Variants in DMD observed in about 807,000 individuals in gnomAD.
The protein encoded by DMD is dystrophin.
In DMD, 63 loss-of-function variants were observed where a neutral mutation model predicts 330.1. That is an observed-to-expected ratio of 0.19 (90% CI 0.16 to 0.24). The LOEUF (loss-of-function observed/expected upper bound fraction) is 0.24. Among genes scored for constraint, DMD ranks in the 10% least tolerant of loss-of-function variants. DMD has a pLI of 1.00. For missense variants in DMD, 3,344 were observed against 2,684.1 expected (o/e 1.25, Z -5.43); for synonymous variants, 1,223 against 959.8 (o/e 1.27, Z -5.07).
chrX:32,861,584 CTT>C lies in DMD; in HGVS notation c.94-11766_94-11765del, dbSNP rs767679896. On this transcript the variant is annotated intron_variant, in intron 2 of 78. Transcript: ENST00000357033. ...GTAATAGAGAAGTGTCACTACTACTCTTAGACTCCTAAGAATGAAAAGAAGGA... is the reference window on the plus strand; with the variant it reads ...GTAATAGAGAAGTGTCACTACTACTCAGACTCCTAAGAATGAAAAGAAGGA... 1.8e-3 allele frequency among the ~76,000 whole-genome samples: 205 copies of C among 111,451 alleles called. 1 individual carries two copies. The highest frequency in any genetic ancestry group is 6.5e-3 in the African/African-American group (199 of 30,657).
intron 63 of DMD, among the ~76,000 whole-genome samples, chrX:31,237,831 T>C (rs184037426): frequency 3.2e-3 from 359 of 111,500 alleles, no homozygotes; most frequent in Non-Finnish European, 4.9e-3. Context: ...GTGATGCTTG[T>C]GCCTCAGCCT....
chrX:31,826,028 GTTCTCATTA>G (rs1368717197), intron 49 of DMD, among the ~76,000 whole-genome samples: 7 of 112,181 alleles, frequency 6.2e-5, no homozygotes, highest in Non-Finnish European at 1.1e-4. Context: ...TTCAAGAAAA[GTTCTCATTA>G]AAATAGTTAC....
At chrX:32,062,988 A>G (rs1338950212) in intron 44 of DMD, among the ~76,000 whole-genome samples, 4 of 111,257 alleles carry the variant, frequency 3.6e-5, no homozygotes, top group African/African-American at 1.3e-4. Flanking sequence ...TTTTAAAAAA[A>G]TTAATTCTGA....
chrX:31,240,757 A>G (rs1040603528), intron 63 of DMD, among the ~76,000 whole-genome samples: 1 of 111,900 alleles, frequency 8.9e-6, no homozygotes, highest in Non-Finnish European at 1.9e-5. Context: ...TTTGCAATAA[A>G]TAACATAAAT....
intron 42 of DMD, among the ~76,000 whole-genome samples, chrX:32,294,852 C>A (rs1287767396): frequency 1.8e-5 from 2 of 111,300 alleles, no homozygotes; most frequent in African/African-American, 6.5e-5. Context: ...GAGATGAGAT[C>A]TCTGATAGTA....
chrX:31,716,848 CACACACACATAT>C (rs1569284277), intron 52 of DMD, among the ~76,000 whole-genome samples: 3 of 97,686 alleles, frequency 3.1e-5, no homozygotes, highest in Admixed American at 2.3e-4. Context: ...CACACACACA[CACACACACATAT>C]ATATATATAT....
rs760188394 is a variant in DMD, at chrX:32,816,274, T to TTA, written c.530+192_530+193dup. 3.6e-5 allele frequency among the ~76,000 whole-genome samples: 4 copies of TTA among 112,225 alleles called. No homozygotes were observed. The East Asian group carries it at 1.1e-3, about 31-fold the overall frequency. On this transcript the variant is annotated intron_variant, in intron 6 of 78. Coordinates refer to ENST00000357033, the MANE Select transcript of DMD (RefSeq NM_004006.3). ...TAATGTTAATGTTTCAACAACTGAA[T>TTA]TATATGTATCCCATAGAACACTGGA... is the stretch of plus-strand genomic sequence containing the variant.
intron 9 of DMD, among the ~76,000 whole-genome samples, chrX:32,673,378 C>G (rs2061754200): frequency 9.0e-6 from 1 of 111,048 alleles, no homozygotes; most frequent in Admixed American, 9.6e-5. Context: ...CACCTACTGG[C>G]CTCTTTAAAC....
At chrX:32,020,231 C>T (rs149689653) in intron 44 of DMD, among the ~76,000 whole-genome samples, 7 of 112,532 alleles carry the variant, frequency 6.2e-5, no homozygotes, top group Admixed American at 2.8e-4. Context: ...GTCCCCAAAG[C>T]GTATTTGATT....
intron 44 of DMD, among the ~76,000 whole-genome samples, chrX:32,065,832 C>T (rs1353559985): frequency 1.8e-5 from 2 of 111,611 alleles, no homozygotes; most frequent in Non-Finnish European, 3.8e-5. Flanking sequence ...CAGCACAACA[C>T]GTAAGTAATA....
chrX:31,896,378 A>G (rs1040252809), intron 47 of DMD, among the ~76,000 whole-genome samples: 31 of 112,104 alleles, frequency 2.8e-4, no homozygotes, highest in African/African-American at 1.0e-3. Flanking sequence ...ATCCAGAAAG[A>G]TAGAAAAAAT....
intron 7 of DMD, among the ~76,000 whole-genome samples, chrX:32,797,932 C>T (rs1257945729): frequency 9.0e-6 from 1 of 111,656 alleles, no homozygotes; most frequent in Non-Finnish European, 1.9e-5. Context: ...ATCCATAATG[C>T]ACATCTTCAA....
At chrX:31,923,142 A>G (rs2094717552) in intron 47 of DMD, among the ~76,000 whole-genome samples, 1 of 112,033 alleles carries the variant, frequency 8.9e-6, no homozygotes, top group African/African-American at 3.2e-5. Context: ...AAACCAGAAC[A>G]GTCAGAGCAA....
intron 59 of DMD, among the ~76,000 whole-genome samples, chrX:31,474,197 A>G (rs932490653): frequency 8.9e-6 from 1 of 111,944 alleles, no homozygotes; most frequent in Non-Finnish European, 1.9e-5. Flanking sequence ...TGCCATTTCC[A>G]TAAAGGCCAG....
At chrX:31,614,492 G>C (rs1179099066) in intron 55 of DMD, among the ~76,000 whole-genome samples, 2 of 112,165 alleles carry the variant, frequency 1.8e-5, no homozygotes, top group Admixed American at 9.4e-5. Context: ...ATAGTCAATA[G>C]TCAACATGCT....
At position 32,231,227 on chromosome X, in the gene DMD, G is replaced by A. The variant is rs1569552230; in HGVS notation, c.6291-14164C>T. 2.7e-5 allele frequency among the ~76,000 whole-genome samples: 3 copies of A among 112,453 alleles called. No individual in the cohort carries two copies. In the East Asian group the frequency reaches 8.4e-4, roughly 31 times the overall value. On this transcript the variant is annotated intron_variant, in intron 43 of 78. Transcript: ENST00000357033. ...TTTAACTTACTTTTTTCTGCTAAAG[G>A]AAAATGAGATGAAAAAGCCATTTTA...
intron 48 of DMD, among the ~76,000 whole-genome samples, chrX:31,862,065 G>A (rs2093716162): frequency 9.1e-6 from 1 of 109,859 alleles, no homozygotes; most frequent in Non-Finnish European, 1.9e-5. Flanking sequence ...AGACAACAAT[G>A]CAACAGAGGA....
chrX:31,710,174 G>A (rs2091828833), intron 52 of DMD, among the ~76,000 whole-genome samples: 1 of 111,487 alleles, frequency 9.0e-6, no homozygotes. Flanking sequence ...AGGGTTTTGG[G>A]GATGAAGTAA....
intron 5 of DMD, among the ~76,000 whole-genome samples, chrX:32,817,082 T>C (rs1369615932): frequency 8.9e-6 from 1 of 112,036 alleles, no homozygotes; most frequent in Non-Finnish European, 1.9e-5. Flanking sequence ...TTGCTATTAA[T>C]TGTGGTAATT....
Sources: gnomAD v4.1 joint callset for allele counts (sites outside exome capture counted in the v4.1 genomes callset) on GRCh38, gnomAD v4.1.1 for gene constraint, MANE v1.5 for transcripts, NCBI Gene and HGNC (gene_info 2026-07-23, HGNC 2026-07-21) for gene names.